UCK2: variants seen among roughly 807,000 people sequenced by gnomAD.
The protein encoded by UCK2 is cytidine monophosphokinase 2.
A neutral mutation model predicts 30.8 loss-of-function variants in UCK2; 6 were observed. The ratio of observed to expected loss-of-function variants is 0.19; its 90% CI spans 0.11 to 0.38. The LOEUF is 0.38. Ranked by LOEUF, UCK2 falls within the 10% of genes least tolerant of loss-of-function variation. The pLI, the probability that UCK2 is intolerant of heterozygous loss-of-function variation, is 1.00. For synonymous variants in UCK2, 125 were observed against 133.6 expected (o/e 0.94, Z 0.45); for missense variants, 210 against 339.8 (o/e 0.62, Z 3.00).
chr1:165,841,812 T>C (rs1571266099), intron 1 of UCK2, among the ~76,000 whole-genome samples: 1 of 152,302 alleles, frequency 6.6e-6, no homozygotes, highest in Admixed American at 6.5e-5. Flanking sequence ...GCAGTCATTC[T>C]CTTGTGTCAT....
intron 1 of UCK2, among the ~76,000 whole-genome samples, chr1:165,840,468 ATC>A (rs1654300596): frequency 6.6e-6 from 1 of 152,192 alleles, no homozygotes; most frequent in Non-Finnish European, 1.5e-5. Flanking sequence ...ATGTGGTGCA[ATC>A]GATCCCTTGA....
At chr1:165,840,198 C>T (rs1271594301) in intron 1 of UCK2, among the ~76,000 whole-genome samples, 4 of 152,246 alleles carry the variant, frequency 2.6e-5, no homozygotes, top group South Asian at 2.1e-4. Flanking sequence ...GGAGTACAGG[C>T]GTGAGCCACT....
intron 1 of UCK2, among the ~76,000 whole-genome samples, chr1:165,869,009 T>C (rs1441659196): frequency 1.3e-5 from 2 of 152,176 alleles, no homozygotes; most frequent in Non-Finnish European, 2.9e-5. Flanking sequence ...TTGGCCTAAC[T>C]TCAATATTGT....
intron 1 of UCK2, among the ~76,000 whole-genome samples, chr1:165,852,527 G>T (rs771322309): frequency 6.6e-6 from 1 of 152,172 alleles, no homozygotes; most frequent in Admixed American, 6.5e-5. Flanking sequence ...ACCACCACAC[G>T]CCAGTCAGAA....
chr1:165,905,281 G>T (rs1352280469), intron 5 of UCK2, among the ~76,000 whole-genome samples: 1 of 152,188 alleles, frequency 6.6e-6, no homozygotes, highest in Non-Finnish European at 1.5e-5. Flanking sequence ...CCAGGAGTTT[G>T]AGACCAGCCT....
intron 1 of UCK2, among the ~76,000 whole-genome samples, chr1:165,859,032 A>G (rs1654822872): frequency 1.3e-5 from 2 of 152,230 alleles, no homozygotes; most frequent in Admixed American, 6.5e-5. Flanking sequence ...AACATGTTGA[A>G]TAACCGTGTG....
chr1:165,861,170 G>A (rs1446960697), intron 1 of UCK2, among the ~76,000 whole-genome samples: 2 of 151,962 alleles, frequency 1.3e-5, no homozygotes, highest in Non-Finnish European at 2.9e-5. Context: ...TTAAAAGGGC[G>A]CTAATTCCAT....
intron 1 of UCK2, among the ~76,000 whole-genome samples, chr1:165,887,942 A>AT (rs1187022267): frequency 6.6e-6 from 1 of 152,326 alleles, no homozygotes; most frequent in East Asian, 1.9e-4. Flanking sequence ...CTGTGTTAAT[A>AT]TGCAAAAGTA....
At chr1:165,874,661 A>G (rs1201501067) in intron 1 of UCK2, among the ~76,000 whole-genome samples, 1 of 152,172 alleles carries the variant, frequency 6.6e-6, no homozygotes, top group African/African-American at 2.4e-5. Context: ...TGCTTCAGTT[A>G]TGGCTATCAG....
intron 6 of UCK2, among the ~76,000 whole-genome samples, chr1:165,906,453 C>T (rs1307482195): frequency 6.6e-6 from 1 of 152,194 alleles, no homozygotes; most frequent in Admixed American, 6.5e-5. Flanking sequence ...AGCACAGTCA[C>T]AGCTCATTTG....
At chr1:165,906,977 GT>G (rs572549101) in intron 6 of UCK2, among the ~76,000 whole-genome samples, 198 of 152,192 alleles carry the variant, frequency 1.3e-3, no homozygotes, top group African/African-American at 4.5e-3. Context: ...CCTATCTTTT[GT>G]TTTTTAAGAC....
Position 165,853,961 on chromosome 1 carries a change from T to C in UCK2, c.99+26029T>C, listed in dbSNP as rs942770731. On this transcript the variant is annotated intron_variant, in intron 1 of 6. Coordinates refer to ENST00000367879, the MANE Select transcript of UCK2 (RefSeq NM_012474.5). ...AAAGACCTCATCTTTCAAAATTTCT[T>C]TCTTAACAGTTAACAGTTTTAGATT... Among the ~76,000 whole-genome samples the C allele has an allele frequency of 2.0e-5, 3 of 152,214 alleles. No homozygotes were observed. The South Asian group carries it at 6.2e-4, about 31-fold the overall frequency.
intron 1 of UCK2, among the ~76,000 whole-genome samples, chr1:165,865,913 A>G (rs374061237): frequency 1.3e-5 from 2 of 152,232 alleles, no homozygotes; most frequent in South Asian, 2.1e-4. Flanking sequence ...ATCAAACCCA[A>G]TGCTTACCAC....
intron 1 of UCK2, among the ~76,000 whole-genome samples, chr1:165,865,518 A>G (rs901708251): frequency 1.3e-5 from 2 of 152,162 alleles, no homozygotes; most frequent in Admixed American, 1.3e-4. Flanking sequence ...AGGGGGGACA[A>G]TTGATGTTCT....
chr1:165,885,571 C>T (rs1655596128), intron 1 of UCK2, among the ~76,000 whole-genome samples: 1 of 152,186 alleles, frequency 6.6e-6, no homozygotes, highest in Admixed American at 6.5e-5. Flanking sequence ...AGAATATATT[C>T]TGGATTCATT....
intron 1 of UCK2, among the ~76,000 whole-genome samples, chr1:165,834,565 C>T (rs1557831018): frequency 6.6e-6 from 1 of 152,160 alleles, no homozygotes; most frequent in Non-Finnish European, 1.5e-5. Context: ...TTTCAGGCCT[C>T]ATAAGCCATA....
At chr1:165,832,984 C>G (rs1284579512) in intron 1 of UCK2, among the ~76,000 whole-genome samples, 1 of 152,076 alleles carries the variant, frequency 6.6e-6, no homozygotes, top group African/African-American at 2.4e-5. Context: ...TGTGTGTGAC[C>G]ATTATAGGAT....
intron 1 of UCK2, among the ~76,000 whole-genome samples, chr1:165,850,300 T>C (rs1654556487): frequency 6.6e-6 from 1 of 151,772 alleles, no homozygotes; most frequent in Admixed American, 6.6e-5. Flanking sequence ...CCGGCTAATT[T>C]TGTATTTTTA....
At chr1:165,873,436 A>G (rs1211572331) in intron 1 of UCK2, among the ~76,000 whole-genome samples, 1 of 152,244 alleles carries the variant, frequency 6.6e-6, no homozygotes, top group Non-Finnish European at 1.5e-5. Context: ...GACTTAGCCA[A>G]TCATTTCTGT....
Sources: allele counts gnomAD v4.1 joint callset (sites outside exome capture counted in the v4.1 genomes callset), GRCh38; gene constraint gnomAD v4.1.1; transcripts MANE v1.5; gene names NCBI Gene and HGNC (gene_info 2026-07-23, HGNC 2026-07-21).